TRPM3: variants seen among roughly 807,000 people sequenced by gnomAD.
The protein encoded by TRPM3 is transient receptor potential cation channel subfamily M member 3.
In TRPM3, 77 loss-of-function variants were observed where a neutral mutation model predicts 181.2. The observed-to-expected ratio is 0.42, with a 90% confidence interval of 0.35 to 0.51. The LOEUF (loss-of-function observed/expected upper bound fraction) is 0.51, where lower values mean the gene tolerates loss of function less well. Among genes scored for constraint, TRPM3 ranks in the 20% least tolerant of loss-of-function variants. TRPM3 has a pLI of 0.01. For synonymous variants in TRPM3, 745 were observed against 796.4 expected (o/e 0.94, Z 1.09); for missense variants, 1,759 against 2,196.7 (o/e 0.80, Z 3.98).
intron 3 of TRPM3, among the ~76,000 whole-genome samples, chr9:70,862,335 C>T (rs1174852144): frequency 6.6e-6 from 1 of 152,002 alleles, no homozygotes; most frequent in Non-Finnish European, 1.5e-5. Flanking sequence ...GTCTCCCCAA[C>T]TCAAAAAATG....
At chr9:71,013,231 C>T (rs1031857912) in intron 1 of TRPM3, among the ~76,000 whole-genome samples, 2 of 152,024 alleles carry the variant, frequency 1.3e-5, no homozygotes, top group Admixed American at 6.5e-5. Flanking sequence ...CTTAGATTTA[C>T]AACTATAGTA....
intron 1 of TRPM3, among the ~76,000 whole-genome samples, chr9:70,956,426 G>A (rs948615787): frequency 1.3e-5 from 2 of 150,240 alleles, no homozygotes; most frequent in African/African-American, 4.9e-5. Flanking sequence ...AAGTCTGCAA[G>A]GCAAATGGAA....
intron 22 of TRPM3, among the ~76,000 whole-genome samples, chr9:70,586,335 TAATTA>T (rs1410586310): frequency 3.3e-5 from 5 of 152,260 alleles, no homozygotes; most frequent in African/African-American, 1.2e-4. Flanking sequence ...GAGAAAATGC[TAATTA>T]AATGTTATGA....
At chr9:70,743,270 C>CTT (rs1487372173) in intron 8 of TRPM3, among the ~76,000 whole-genome samples, 2 of 152,130 alleles carry the variant, frequency 1.3e-5, no homozygotes, top group Admixed American at 1.3e-4. Flanking sequence ...ATGTTCCAAC[C>CTT]TACAGTCATG....
chr9:71,292,819 C>T (rs1052680341), intron 1 of TRPM3, among the ~76,000 whole-genome samples: 1 of 151,684 alleles, frequency 6.6e-6, no homozygotes, highest in African/African-American at 2.4e-5. Flanking sequence ...GATACTGACA[C>T]CAAAGAGACA....
chr9:70,837,675 T>C (rs1009150535), intron 5 of TRPM3, among the ~76,000 whole-genome samples: 13 of 152,170 alleles, frequency 8.5e-5, no homozygotes, highest in Non-Finnish European at 1.8e-4. Context: ...CATATGAAAA[T>C]TATATTTCAC....
chr9:71,149,612 C>G (rs2075619196), intron 1 of TRPM3, among the ~76,000 whole-genome samples: 1 of 152,082 alleles, frequency 6.6e-6, no homozygotes, highest in Admixed American at 6.6e-5. Flanking sequence ...TGAAAATCCA[C>G]TTGGAAATGG....
At chr9:71,277,994 C>T (rs920246975) in intron 1 of TRPM3, among the ~76,000 whole-genome samples, 2 of 152,080 alleles carry the variant, frequency 1.3e-5, no homozygotes, top group African/African-American at 2.4e-5. Flanking sequence ...CAATGCAAAA[C>T]GCAGCACATT....
At chr9:71,403,306 T>C (rs778612116) in intron 1 of TRPM3, among the ~76,000 whole-genome samples, 6 of 152,222 alleles carry the variant, frequency 3.9e-5, no homozygotes, top group Non-Finnish European at 5.9e-5. Flanking sequence ...AAGCCTAAAA[T>C]AGTTACCTTC....
chr9:70,565,023 G>A (rs565489693), intron 22 of TRPM3, among the ~76,000 whole-genome samples: 2 of 152,234 alleles, frequency 1.3e-5, no homozygotes, highest in South Asian at 2.1e-4. Flanking sequence ...AGCTTTTCAC[G>A]CTTCAAGTGA....
At chr9:71,389,172 A>G (rs1249857933) in intron 1 of TRPM3, among the ~76,000 whole-genome samples, 1 of 152,140 alleles carries the variant, frequency 6.6e-6, no homozygotes, top group Non-Finnish European at 1.5e-5. Flanking sequence ...TGAGCTAAGA[A>G]CATGAATAGA....
intron 1 of TRPM3, among the ~76,000 whole-genome samples, chr9:71,310,346 T>C (rs1338960747): frequency 2.6e-5 from 4 of 151,972 alleles, no homozygotes; most frequent in Admixed American, 1.3e-4. Flanking sequence ...CAACATTTCA[T>C]GAAGGGTGAT....
At chr9:70,801,436 T>A (rs1000516942) in intron 6 of TRPM3, among the ~76,000 whole-genome samples, 1 of 152,186 alleles carries the variant, frequency 6.6e-6, no homozygotes, top group Non-Finnish European at 1.5e-5. Flanking sequence ...AAGGATTAGA[T>A]CATTAAGCAA....
chr9:71,313,634 G>C (rs2088233291), intron 1 of TRPM3, among the ~76,000 whole-genome samples: 1 of 151,926 alleles, frequency 6.6e-6, no homozygotes, highest in African/African-American at 2.4e-5. Context: ...TCCTTTTACT[G>C]AGATAACATA....
chr9:70,967,181 A>G (rs2097193895), intron 1 of TRPM3, among the ~76,000 whole-genome samples: 1 of 152,084 alleles, frequency 6.6e-6, no homozygotes, highest in Non-Finnish European at 1.5e-5. Context: ...CCAAATGTGG[A>G]ACATTTTAAT....
chr9:71,377,636 C>A (rs1016807962), intron 1 of TRPM3, among the ~76,000 whole-genome samples: 2 of 151,564 alleles, frequency 1.3e-5, no homozygotes, highest in African/African-American at 4.9e-5. Context: ...TGAAGTATAA[C>A]ATATATAGAA....
At chr9:70,849,491 C>T (rs2095135806) in intron 3 of TRPM3, among the ~76,000 whole-genome samples, 1 of 152,020 alleles carries the variant, frequency 6.6e-6, no homozygotes, top group Non-Finnish European at 1.5e-5. Context: ...TTATGTGATC[C>T]AAAATGGATG....
At chr9:70,634,196 A>G in intron 12 of TRPM3, among the ~76,000 whole-genome samples, 1 of 151,964 alleles carries the variant, frequency 6.6e-6, no homozygotes, top group Middle Eastern at 3.2e-3. Context: ...TGCAGCCTCC[A>G]CCTCCCGGGT....
At chr9:70,917,661 C>A (rs2096614543) in intron 1 of TRPM3, among the ~76,000 whole-genome samples, 2 of 151,314 alleles carry the variant, frequency 1.3e-5, no homozygotes, top group African/African-American at 4.9e-5. Context: ...AAATAAAAAG[C>A]AAGAAATTAA....
Sources: allele counts gnomAD v4.1 joint callset (sites outside exome capture counted in the v4.1 genomes callset), GRCh38; gene constraint gnomAD v4.1.1; transcripts MANE v1.5; gene names NCBI Gene and HGNC (gene_info 2026-07-23, HGNC 2026-07-21).